ZBTB20: variants seen among roughly 807,000 people sequenced by gnomAD.
The protein encoded by ZBTB20 is zinc finger and BTB domain-containing protein 20.
In ZBTB20, 9 loss-of-function variants were observed where a neutral mutation model predicts 56.9. That is an observed-to-expected ratio of 0.16 (90% CI 0.10 to 0.28). The LOEUF is 0.28. Among genes scored for constraint, ZBTB20 ranks in the 10% least tolerant of loss-of-function variants. ZBTB20 has a pLI of 1.00. For synonymous variants in ZBTB20, 417 were observed against 420.7 expected (o/e 0.99, Z 0.11); for missense variants, 655 against 1,003.0 (o/e 0.65, Z 4.69).
At chr3:114,497,642 G>C (rs557489149) in intron 7 of ZBTB20, among the ~76,000 whole-genome samples, 1 of 151,968 alleles carries the variant, frequency 6.6e-6, no homozygotes, top group African/African-American at 2.4e-5. Context: ...CTCTTACTAC[G>C]TCTTGTATAT....
chr3:114,642,442 A>C (rs1316537279), intron 6 of ZBTB20, among the ~76,000 whole-genome samples: 1 of 152,054 alleles, frequency 6.6e-6, no homozygotes, highest in African/African-American at 2.4e-5. Context: ...CAAATTGCTC[A>C]GGGTGAAAAA....
intron 2 of ZBTB20, among the ~76,000 whole-genome samples, chr3:114,988,336 G>A (rs556472881): frequency 6.9e-6 from 1 of 145,648 alleles, no homozygotes; most frequent in Admixed American, 7.1e-5. Flanking sequence ...CCACCTAAGA[G>A]TGAGAACATG....
intron 3 of ZBTB20, among the ~76,000 whole-genome samples, chr3:114,907,449 T>C (rs2075362890): frequency 6.6e-6 from 1 of 151,880 alleles, no homozygotes; most frequent in Non-Finnish European, 1.5e-5. Context: ...ATTTGGTCAA[T>C]ATTCAGACAG....
At chr3:114,851,456 T>C (rs1579158267) in intron 4 of ZBTB20, among the ~76,000 whole-genome samples, 1 of 139,774 alleles carries the variant, frequency 7.2e-6, no homozygotes, top group African/African-American at 2.6e-5. Context: ...ATTTTTCACA[T>C]ATATATATAA....
intron 6 of ZBTB20, among the ~76,000 whole-genome samples, chr3:114,503,731 A>G (rs1559880973): frequency 6.6e-6 from 1 of 152,142 alleles, no homozygotes; most frequent in African/African-American, 2.4e-5. Flanking sequence ...GGATGAGCAG[A>G]GAGAGGGGGA....
chr3:115,035,131 G>A (rs999876463), intron 2 of ZBTB20, among the ~76,000 whole-genome samples: 2 of 152,066 alleles, frequency 1.3e-5, no homozygotes, highest in South Asian at 2.1e-4. Context: ...AAGAAAGCAT[G>A]AGGCAAAAGC....
intron 4 of ZBTB20, among the ~76,000 whole-genome samples, chr3:114,810,326 T>C (rs2072425749): frequency 6.6e-6 from 1 of 152,192 alleles, no homozygotes; most frequent in Admixed American, 6.5e-5. Flanking sequence ...CCAGTTCTTT[T>C]CTACTCTGAA....
chr3:114,950,416 T>C (rs1001894334), intron 3 of ZBTB20, among the ~76,000 whole-genome samples: 3 of 152,160 alleles, frequency 2.0e-5, no homozygotes, highest in Non-Finnish European at 4.4e-5. Flanking sequence ...CTCTTCTCTC[T>C]CTATTTCCCT....
rs141269830 is a variant in ZBTB20, at chr3:115,062,304, A to G, written c.-507+8915T>C. 7.1e-3 allele frequency among the ~76,000 whole-genome samples: 1,077 copies of G among 152,340 alleles called. 27 individuals are homozygous for G. The highest frequency in any genetic ancestry group is 0.025 in the African/African-American group (1,034 of 41,586). On this transcript the variant is annotated intron_variant, in intron 2 of 11. Transcript: ENST00000675478. ...TGAAACTTACAATTCTCTCTCCCAT[A>G]CACTATCAATGAAAACCTTTATAAG...
At chr3:115,028,865 T>G (rs1473934314) in intron 2 of ZBTB20, among the ~76,000 whole-genome samples, 1 of 150,848 alleles carries the variant, frequency 6.6e-6, no homozygotes, top group African/African-American at 2.4e-5. Flanking sequence ...TGGTTGACAC[T>G]ACACCTAATG....
chr3:114,838,486 C>T (rs2074224435), intron 4 of ZBTB20, among the ~76,000 whole-genome samples: 1 of 152,050 alleles, frequency 6.6e-6, no homozygotes, highest in African/African-American at 2.4e-5. Flanking sequence ...TCTCCACAAT[C>T]ATGAGGGCCT....
At chr3:115,022,175 G>T (rs2080233062) in intron 2 of ZBTB20, among the ~76,000 whole-genome samples, 1 of 150,306 alleles carries the variant, frequency 6.7e-6, no homozygotes, top group Non-Finnish European at 1.5e-5. Flanking sequence ...TTTACCACAT[G>T]GAAAAAGTAT....
chr3:114,363,599 T>A (rs1045037275), intron 10 of ZBTB20, among the ~76,000 whole-genome samples: 1 of 152,188 alleles, frequency 6.6e-6, no homozygotes, highest in African/African-American at 2.4e-5. Flanking sequence ...CAAAGGTGTG[T>A]ATGCTTCACA....
chr3:114,709,740 C>A (rs2063939917), intron 5 of ZBTB20, among the ~76,000 whole-genome samples: 1 of 152,118 alleles, frequency 6.6e-6, no homozygotes, highest in Non-Finnish European at 1.5e-5. Flanking sequence ...GAGGTGAGAA[C>A]CAATGGGCTA....
At chr3:114,529,644 T>C (rs1347395114) in intron 6 of ZBTB20, among the ~76,000 whole-genome samples, 1 of 152,204 alleles carries the variant, frequency 6.6e-6, no homozygotes, top group Non-Finnish European at 1.5e-5. Context: ...TTACAGAAGG[T>C]AGTAAAAGCA....
At chr3:114,401,775 T>C (rs1028883791) in intron 7 of ZBTB20, among the ~76,000 whole-genome samples, 32 of 152,178 alleles carry the variant, frequency 2.1e-4, no homozygotes, top group African/African-American at 7.7e-4. Context: ...TAGGAGAGGC[T>C]GAAAAATGAT....
At chr3:114,842,397 T>C (rs936507071) in intron 4 of ZBTB20, among the ~76,000 whole-genome samples, 1 of 152,196 alleles carries the variant, frequency 6.6e-6, no homozygotes, top group African/African-American at 2.4e-5. Context: ...CCAACCTCCC[T>C]CATCTCTACC....
At chr3:115,008,518 G>A (rs760967320) in intron 2 of ZBTB20, among the ~76,000 whole-genome samples, 4 of 151,800 alleles carry the variant, frequency 2.6e-5, no homozygotes, top group Admixed American at 1.3e-4. Context: ...GTAAGTAATC[G>A]TGAACAATGT....
At chr3:114,573,711 C>G (rs1265631892) in intron 6 of ZBTB20, among the ~76,000 whole-genome samples, 1 of 152,010 alleles carries the variant, frequency 6.6e-6, no homozygotes, top group African/African-American at 2.4e-5. Flanking sequence ...TGATATGATT[C>G]AGTTTGGGGA....
Sources: allele counts gnomAD v4.1 joint callset (sites outside exome capture counted in the v4.1 genomes callset), GRCh38; gene constraint gnomAD v4.1.1; transcripts MANE v1.5; gene names NCBI Gene and HGNC (gene_info 2026-07-23, HGNC 2026-07-21).